The following NPAS3 variants were observed in gnomAD, a reference collection of about 807,000 sequenced individuals.
NPAS3 encodes the protein neuronal PAS domain-containing protein 3.
NPAS3 carries 14 observed loss-of-function variants against 73.1 expected under a neutral mutation model. That is an observed-to-expected ratio of 0.19 (90% CI 0.13 to 0.30). NPAS3 has a LOEUF of 0.30. Ranked by LOEUF, NPAS3 falls within the 10% of genes least tolerant of loss-of-function variation. The pLI is 1.00. For synonymous variants in NPAS3, 620 were observed against 541.5 expected (o/e 1.14, Z -2.01); for missense variants, 1,096 against 1,250.0 (o/e 0.88, Z 1.86).
chr14:33,690,418 G>A (rs1401741134), intron 6 of NPAS3, among the ~76,000 whole-genome samples: 1 of 152,080 alleles, frequency 6.6e-6, no homozygotes, highest in Non-Finnish European at 1.5e-5. Flanking sequence ...CCACCAAGCA[G>A]TCATGAGATG....
intron 5 of NPAS3, among the ~76,000 whole-genome samples, chr14:33,653,696 G>T (rs2059065250): frequency 6.6e-6 from 1 of 152,202 alleles, no homozygotes; most frequent in African/African-American, 2.4e-5. Flanking sequence ...CAATCGTGAA[G>T]GTCAAACAGG....
At chr14:33,751,048 T>G (rs2061948904) in intron 7 of NPAS3, among the ~76,000 whole-genome samples, 1 of 152,116 alleles carries the variant, frequency 6.6e-6, no homozygotes. Flanking sequence ...CAGAAAGAAA[T>G]CTGGGTATCA....
chr14:33,545,633 C>A (rs1595127445), intron 4 of NPAS3, among the ~76,000 whole-genome samples: 1 of 152,162 alleles, frequency 6.6e-6, no homozygotes, highest in African/African-American at 2.4e-5. Flanking sequence ...GAACATGGAA[C>A]TTGTTCAGCT....
chr14:32,935,671 T>C (rs1037234157), upstream of NPAS3, among the ~76,000 whole-genome samples: 1 of 152,258 alleles, frequency 6.6e-6, no homozygotes, highest in Non-Finnish European at 1.5e-5. Context: ...GTATTATTTG[T>C]AGTTCTCTTA....
intron 2 of NPAS3, among the ~76,000 whole-genome samples, chr14:33,075,902 A>G (rs1023533152): frequency 3.3e-5 from 5 of 152,210 alleles, no homozygotes; most frequent in African/African-American, 1.2e-4. Context: ...TTAAAAAATT[A>G]AACTGTTTTT....
At chr14:32,934,872 C>A (rs1215797660), upstream of NPAS3, 15 of 661,162 alleles carry the variant, frequency 2.3e-5, no homozygotes, top group Non-Finnish European at 2.8e-5. The surrounding 1 kb of genome is among the most constrained non-coding windows in gnomAD (Gnocchi z 4.1). Flanking sequence ...CGGATTTCAG[C>A]GTGCAGGTGA....
At chr14:33,714,436 G>A (rs558230694) in intron 6 of NPAS3, among the ~76,000 whole-genome samples, 102 of 152,186 alleles carry the variant, frequency 6.7e-4, no homozygotes, top group Non-Finnish European at 1.4e-3. Flanking sequence ...GTGGACAACT[G>A]GACCCCATGA....
intron 5 of NPAS3, among the ~76,000 whole-genome samples, chr14:33,564,937 AC>A (rs1343372302): frequency 2.6e-5 from 4 of 151,398 alleles, no homozygotes; most frequent in Non-Finnish European, 5.9e-5. Flanking sequence ...TGTTCTAATC[AC>A]CCCCCACTGC....
At chr14:33,497,469 C>T (rs948864243) in intron 4 of NPAS3, among the ~76,000 whole-genome samples, 51 of 152,060 alleles carry the variant, frequency 3.4e-4, no homozygotes, top group African/African-American at 1.2e-3. Flanking sequence ...CTACAGTAAC[C>T]AAAACGGCAT....
intron 1 of NPAS3, among the ~76,000 whole-genome samples, chr14:33,022,726 T>A (rs939290179): frequency 2.6e-5 from 4 of 151,944 alleles, no homozygotes; most frequent in African/African-American, 7.2e-5. Flanking sequence ...CATTGTTTAT[T>A]TAGTGCCTGT....
At chr14:32,999,403 C>T (rs1005740074) in intron 1 of NPAS3, among the ~76,000 whole-genome samples, 8 of 151,594 alleles carry the variant, frequency 5.3e-5, no homozygotes, top group African/African-American at 1.7e-4. Flanking sequence ...CCCAGCTACT[C>T]GGGAGGCTGA....
At chr14:33,689,990 T>G (rs1479394498) in intron 6 of NPAS3, among the ~76,000 whole-genome samples, 4 of 152,130 alleles carry the variant, frequency 2.6e-5, no homozygotes, top group African/African-American at 9.7e-5. Flanking sequence ...CCCAATAATT[T>G]AGCTGATGAA....
intron 7 of NPAS3, among the ~76,000 whole-genome samples, chr14:33,761,120 C>A (rs1422282812): frequency 2.0e-5 from 3 of 152,176 alleles, no homozygotes; most frequent in African/African-American, 7.2e-5. Flanking sequence ...AGAACGTGTA[C>A]TACAGGGGAA....
At chr14:33,698,121 G>C (rs1485198250) in intron 6 of NPAS3, among the ~76,000 whole-genome samples, 2 of 152,198 alleles carry the variant, frequency 1.3e-5, no homozygotes, top group African/African-American at 4.8e-5. Flanking sequence ...TGCCCTCAAG[G>C]AGCAAGGGTT....
intron 4 of NPAS3, among the ~76,000 whole-genome samples, chr14:33,494,161 G>A (rs1249928883): frequency 1.3e-5 from 2 of 152,066 alleles, no homozygotes; most frequent in East Asian, 3.9e-4. Context: ...TCTCCAGCGT[G>A]CCCTGGAGCC....
In NPAS3 at chr14:33,664,512, G is replaced by T. The variant is rs538672851; in HGVS notation, c.559-11699G>T. On this transcript the variant is annotated intron_variant, in intron 5 of 11. Transcript: ENST00000356141. ...AGCAATGGCAACAAGAGCCAAAATG[G>T]ACAAATGGGATCCAATTAAACTAAA... Among the ~76,000 whole-genome samples, 31 of 152,274 alleles carry T rather than the reference G, an allele frequency of 2.0e-4. 1 individual carries two copies. In the South Asian group the frequency reaches 6.4e-3, roughly 32 times the overall value.
intron 3 of NPAS3, among the ~76,000 whole-genome samples, chr14:33,292,559 G>GA (rs1177695127): frequency 2.0e-5 from 3 of 151,910 alleles, no homozygotes; most frequent in South Asian, 2.1e-4. Flanking sequence ...ATGTTTTACA[G>GA]AAAAAAAATT....
chr14:33,160,503 AG>A (rs1431465667), intron 2 of NPAS3, among the ~76,000 whole-genome samples: 1 of 40,172 alleles, frequency 2.5e-5, no homozygotes, highest in African/African-American at 1.0e-4. Flanking sequence ...GGGTGGGGGG[AG>A]GGGGGAGGGA....
intron 6 of NPAS3, among the ~76,000 whole-genome samples, chr14:33,715,598 T>C (rs1428697299): frequency 6.6e-6 from 1 of 152,180 alleles, no homozygotes; most frequent in Non-Finnish European, 1.5e-5. Flanking sequence ...TGGAATGGGC[T>C]AATGGTGCCA....
Sources: allele counts gnomAD v4.1 joint callset (sites outside exome capture counted in the v4.1 genomes callset), GRCh38; gene constraint gnomAD v4.1.1; non-coding constraint Gnocchi (gnomAD v3.1); transcripts MANE v1.5; gene names NCBI Gene and HGNC (gene_info 2026-07-23, HGNC 2026-07-21).